The following UBAP1 variants were observed in gnomAD, a reference collection of about 807,000 sequenced individuals.
UBAP1 encodes ubiquitin associated protein 1, also known as ubiquitin-associated protein 1.
UBAP1 carries 5 observed loss-of-function variants against 39.0 expected under a neutral mutation model. That is an observed-to-expected ratio of 0.13 (90% CI 0.07 to 0.27). UBAP1 has a LOEUF of 0.27. UBAP1 is among the 10% of genes least tolerant of loss of function. The pLI is 1.00. For missense variants in UBAP1, 490 were observed against 608.1 expected (o/e 0.81, Z 2.04); for synonymous variants, 211 against 225.1 (o/e 0.94, Z 0.56).
intron 1 of UBAP1, among the ~76,000 whole-genome samples, chr9:34,200,481 TAA>T (rs1305682312): frequency 1.3e-5 from 2 of 152,226 alleles, no homozygotes; most frequent in African/African-American, 4.8e-5. Flanking sequence ...TTTTATTTTT[TAA>T]GAGATTATGA....
intron 2 of UBAP1, among the ~76,000 whole-genome samples, chr9:34,225,532 CTT>C (rs1274818749): frequency 1.3e-5 from 2 of 152,002 alleles, no homozygotes; most frequent in African/African-American, 4.8e-5. Context: ...AATCACAGCA[CTT>C]TGGGAGGTTG....
chr9:34,245,908 G>A (rs1834153588), intron 4 of UBAP1, among the ~76,000 whole-genome samples: 3 of 150,992 alleles, frequency 2.0e-5, no homozygotes, highest in South Asian at 4.2e-4. Flanking sequence ...AGTAATCCCA[G>A]CATTTTGGGA....
At chr9:34,244,156 AT>A (rs927883023) in intron 4 of UBAP1, among the ~76,000 whole-genome samples, 12 of 151,522 alleles carry the variant, frequency 7.9e-5, no homozygotes, top group African/African-American at 1.2e-4. Flanking sequence ...CATTCTTTCT[AT>A]TTTTTTTGTA....
intron 3 of UBAP1, among the ~76,000 whole-genome samples, chr9:34,236,084 TC>T (rs574916177): frequency 7.7e-4 from 117 of 152,176 alleles, no homozygotes; most frequent in African/African-American, 2.7e-3. Flanking sequence ...GGTCTCGAGC[TC>T]CTGACTTCAG....
chr9:34,216,944 T>C (rs904147931), intron 1 of UBAP1, among the ~76,000 whole-genome samples: 2 of 152,124 alleles, frequency 1.3e-5, no homozygotes, highest in African/African-American at 4.8e-5. Flanking sequence ...TACAATAGAA[T>C]ACCAGAACTT....
At chr9:34,197,498 G>A (rs1347300798) in intron 1 of UBAP1, among the ~76,000 whole-genome samples, 1 of 151,644 alleles carries the variant, frequency 6.6e-6, no homozygotes, top group East Asian at 1.9e-4. Context: ...ATTTCTTTAG[G>A]GTTGTTTTTT....
chr9:34,223,941 A>G (rs1340192388), intron 2 of UBAP1: 3 of 323,822 alleles, frequency 9.3e-6, no homozygotes, highest in Non-Finnish European at 1.8e-5. Flanking sequence ...TGGGAACAAA[A>G]CAATAAACAC....
chr9:34,199,573 G>A (rs1831249030), intron 1 of UBAP1, among the ~76,000 whole-genome samples: 2 of 151,980 alleles, frequency 1.3e-5, no homozygotes, highest in South Asian at 4.2e-4. Context: ...TGGTACGTTA[G>A]TATCAACTAA....
At chr9:34,232,380 C>T (rs1213439079) in intron 2 of UBAP1, among the ~76,000 whole-genome samples, 1 of 152,192 alleles carries the variant, frequency 6.6e-6, no homozygotes, top group East Asian at 1.9e-4. Flanking sequence ...ATGAAATTAG[C>T]ACATCTAAAA....
At chr9:34,202,576 C>A (rs998144824) in intron 1 of UBAP1, among the ~76,000 whole-genome samples, 1 of 148,442 alleles carries the variant, frequency 6.7e-6, no homozygotes, top group African/African-American at 2.5e-5. Flanking sequence ...TAACAGAAGA[C>A]TCCAGCAAGG....
chr9:34,216,641 A>G (rs945709493), intron 1 of UBAP1, among the ~76,000 whole-genome samples: 3 of 111,264 alleles, frequency 2.7e-5, no homozygotes, highest in Non-Finnish European at 5.8e-5. Flanking sequence ...ACACCATGCT[A>G]ATTTTTTTTT....
chr9:34,251,607 G>C lies in UBAP1; in HGVS notation c.*75G>C. ...CCTGCAGAGCCCACCTGTGGGGAAA[G>C]AGAAGGGGCAGCTTCCGGATTTTCT... On this transcript the variant is annotated 3_prime_UTR_variant, in exon 7 of 7. Coordinates refer to ENST00000297661, the MANE Select transcript of UBAP1 (RefSeq NM_016525.5). The C allele has an allele frequency of 1.3e-6, 2 of 1,524,892 alleles. No individual in the cohort carries two copies. 94.5% of individuals were successfully genotyped at this position (1,524,892 alleles called of 1,614,324 possible).
chr9:34,211,443 G>A (rs1832013542), intron 1 of UBAP1, among the ~76,000 whole-genome samples: 1 of 152,114 alleles, frequency 6.6e-6, no homozygotes, highest in South Asian at 2.1e-4. Flanking sequence ...TGTATCTTGG[G>A]AAATTACTGA....
At chr9:34,195,927 GTTTTTTTTTTTTTTTTTTTTTTT>G (rs57040252) in intron 1 of UBAP1, among the ~76,000 whole-genome samples, 18 of 36,156 alleles carry the variant, frequency 5.0e-4, no homozygotes, top group South Asian at 1.6e-3. Flanking sequence ...AAATTTTTTG[GTTTTTTTTTTTTTTTTTTTTTTT>G]TTTTTTTTTT....
At chr9:34,212,006 T>C (rs1400924035) in intron 1 of UBAP1, 2 of 430,062 alleles carry the variant, frequency 4.7e-6, no homozygotes, top group Non-Finnish European at 9.4e-6. Context: ...GTTCTTGAAT[T>C]ATGAATGTGT....
intron 2 of UBAP1, among the ~76,000 whole-genome samples, chr9:34,227,811 G>C (rs1359489190): frequency 6.6e-6 from 1 of 152,184 alleles, no homozygotes; most frequent in Non-Finnish European, 1.5e-5. Context: ...GGTATTTGAG[G>C]TTGAGGCAGA....
intron 1 of UBAP1, among the ~76,000 whole-genome samples, chr9:34,200,750 A>G (rs1028133128): frequency 2.6e-5 from 4 of 152,042 alleles, no homozygotes; most frequent in East Asian, 1.9e-4. Flanking sequence ...GTCCTATCCT[A>G]TCCTTTTACT....
intron 1 of UBAP1, among the ~76,000 whole-genome samples, chr9:34,207,311 G>T (rs1831763523): frequency 6.6e-6 from 1 of 150,486 alleles, no homozygotes; most frequent in Admixed American, 6.6e-5. Context: ...CTCCCAAAGT[G>T]CTGGGATTAC....
intron 1 of UBAP1, among the ~76,000 whole-genome samples, chr9:34,204,505 G>T (rs1042303129): frequency 6.6e-6 from 1 of 151,330 alleles, no homozygotes; most frequent in Non-Finnish European, 1.5e-5. Flanking sequence ...TTGTTTTTAT[G>T]TGCCCTCAGA....
Sources: gnomAD v4.1 joint callset for allele counts (sites outside exome capture counted in the v4.1 genomes callset) on GRCh38, gnomAD v4.1.1 for gene constraint, MANE v1.5 for transcripts, NCBI Gene and HGNC (gene_info 2026-07-23, HGNC 2026-07-21) for gene names.